METTL4: variants seen among roughly 807,000 people sequenced by gnomAD.
The protein encoded by METTL4 is methyltransferase 4, N6-adenosine.
METTL4 carries 40 observed loss-of-function variants against 54.0 expected under a neutral mutation model. That is an observed-to-expected ratio of 0.74 (90% confidence interval 0.58 to 0.96). The LOEUF (loss-of-function observed/expected upper bound fraction) is 0.96. Ranked by LOEUF, METTL4 falls within the 50% of genes least tolerant of loss-of-function variation. The pLI, the probability that METTL4 is intolerant of heterozygous loss-of-function variation, is 0.00. For synonymous variants in METTL4, 169 were observed against 183.8 expected, an observed-to-expected ratio of 0.92 and a Z score of 0.65; for missense variants, 525 against 549.0, an observed-to-expected ratio of 0.96 and a Z score of 0.44.
intron 8 of METTL4, among the ~76,000 whole-genome samples, chr18:2,542,050 T>C (rs972069597): frequency 1.3e-5 from 2 of 152,172 alleles, no homozygotes; most frequent in Non-Finnish European, 2.9e-5. Context: ...ATTTTATATA[T>C]ATATGGAGTT....
At chr18:2,562,849 G>A (rs780317582) in intron 3 of METTL4, among the ~76,000 whole-genome samples, 2 of 152,054 alleles carry the variant, frequency 1.3e-5, no homozygotes, top group East Asian at 1.9e-4. Context: ...AACAGCAGTG[G>A]TGTGGTACAA....
At chr18:2,541,740 A>T (rs1020979415) in intron 8 of METTL4, among the ~76,000 whole-genome samples, 1 of 42,962 alleles carries the variant, frequency 2.3e-5, no homozygotes, top group African/African-American at 6.5e-5. Flanking sequence ...ATAACCAATT[A>T]AACTTAAAAA....
At chr18:2,553,243 C>A (rs2143528242) in intron 4 of METTL4, 1 of 152,442 alleles carries the variant, frequency 6.6e-6, no homozygotes, top group African/African-American at 2.4e-5. Context: ...TAGCTGCCAT[C>A]CCTCCTAACT....
In METTL4 at chr18:2,567,075, GA is replaced by G. The variant is rs775576675; in HGVS notation, c.141del (p.Leu48PhefsTer53). 3.7e-6 allele frequency: 6 copies of G among 1,614,202 alleles called. No homozygotes were observed. The Admixed American group carries it at 8.3e-5, about 22-fold the overall frequency. Reference sequence around the variant, plus strand: ...GAGGAGGACACAGAATCCATTTGAAGAGACTCAAAGTGAACAGAAGTAGTGA... The same window carrying G: ...GAGGAGGACACAGAATCCATTTGAAGGACTCAAAGTGAACAGAAGTAGTGA... The part of the protein sequence containing the change: ...KEFTTSVHFE[S>X]LQMDSVSSSG... On this transcript the variant is annotated frameshift_variant, in exon 2 of 9. Coordinates refer to ENST00000574538, the MANE Select transcript of METTL4 (RefSeq NM_022840.5). LOFTEE classifies it high-confidence loss of function.
chr18:2,544,050 T>C (rs1319666855), intron 8 of METTL4, 145 bp downstream of exon 8: 12 of 536,388 alleles, frequency 2.2e-5, no homozygotes, highest in Middle Eastern at 4.4e-4. Flanking sequence ...AATTCTGCTA[T>C]GAATTCTGCT....
chr18:2,541,217 T>G (rs754073745), intron 8 of METTL4, among the ~76,000 whole-genome samples: 14 of 152,348 alleles, frequency 9.2e-5, no homozygotes, highest in Admixed American at 2.0e-4. Flanking sequence ...AAATGGATTA[T>G]TCTGGTTTTT....
intron 6 of METTL4, among the ~76,000 whole-genome samples, chr18:2,545,271 T>C (rs1351841831): frequency 6.6e-6 from 1 of 152,106 alleles, no homozygotes; most frequent in Non-Finnish European, 1.5e-5. Context: ...TAAAATTGAT[T>C]CCTGGAAACC....
chr18:2,566,827 A>T lies in METTL4; in HGVS notation c.390T>A (p.Ile130=). The change falls in exon 2 of 9, where the codon ATT becomes ATA. Residue 130 remains isoleucine, a synonymous_variant. Coordinates refer to ENST00000574538, the MANE Select transcript of METTL4 (RefSeq NM_022840.5). ...GVKKEISISI[I]GKKRKRCVVF... ...ATTTCTTAAAACTTTCTACCTTCCC[A>T]ATAATAGAAATGGAGATTTCTTTTT... 1 of 1,557,688 alleles carries T rather than the reference A, an allele frequency of 6.4e-7. No individual in the cohort carries two copies. The highest frequency in any genetic ancestry group is 2.0e-5 in the Admixed American group (1 of 49,582).
At chr18:2,548,231 G>A (rs2072101505) in intron 5 of METTL4, among the ~76,000 whole-genome samples, 2 of 152,002 alleles carry the variant, frequency 1.3e-5, no homozygotes. Flanking sequence ...TGGCTAGTTT[G>A]TCCTGCAAAA....
At chr18:2,542,415 T>C (rs1419951050) in intron 8 of METTL4, among the ~76,000 whole-genome samples, 1 of 144,224 alleles carries the variant, frequency 6.9e-6, no homozygotes, top group African/African-American at 2.6e-5. Flanking sequence ...TTATTCACTA[T>C]TTTAAAACCT....
intron 8 of METTL4, among the ~76,000 whole-genome samples, chr18:2,541,900 G>A (rs1195223177): frequency 2.6e-5 from 4 of 151,826 alleles, no homozygotes. Flanking sequence ...ATGATTTCAG[G>A]GTAAAATATA....
Position 2,539,120 on chromosome 18 carries a change from T to C in METTL4, c.1299A>G (p.Pro433=), listed in dbSNP as rs761394381. The C allele has an allele frequency of 3.1e-6, 5 of 1,613,956 alleles. No individual in the cohort carries two copies. The highest frequency in any genetic ancestry group is 3.3e-4 in the Middle Eastern group (2 of 6,060). The change falls in exon 9 of 9, where the codon CCA becomes CCG. Residue 433 remains proline (P), a synonymous_variant. Transcript: ENST00000574538. ...LAEVLKDYIK[P]DGEYLELFAR... is the part of the protein sequence containing the mutation. ...CAAACAACTCCAAATATTCCCCATC[T>C]GGCTTGATGTAGTCTTTTAAAACCT...
intron 5 of METTL4, among the ~76,000 whole-genome samples, chr18:2,550,890 C>T (rs1445560541): frequency 2.0e-4 from 30 of 152,076 alleles, no homozygotes; most frequent in Admixed American, 2.6e-4. Flanking sequence ...ATCAGCCGGG[C>T]GCGGTGGCTC....
chr18:2,560,637 G>A (rs1204395733), intron 3 of METTL4, among the ~76,000 whole-genome samples: 3 of 152,152 alleles, frequency 2.0e-5, no homozygotes, highest in Non-Finnish European at 4.4e-5. Context: ...CAGCACTTTG[G>A]GAGGCCGAGG....
chr18:2,543,113 CAAAAAA>C (rs34850061), intron 8 of METTL4, among the ~76,000 whole-genome samples: 1 of 85,420 alleles, frequency 1.2e-5, no homozygotes, highest in South Asian at 4.1e-4. Context: ...GACTCCATCT[CAAAAAA>C]AAAAAAAAAA....
intron 1 of METTL4, among the ~76,000 whole-genome samples, chr18:2,570,856 C>T (rs1478603755): frequency 6.6e-6 from 1 of 152,192 alleles, no homozygotes; most frequent in African/African-American, 2.4e-5. Context: ...AGGTACCGGG[C>T]AGTGCCTGTT....
intron 5 of METTL4, among the ~76,000 whole-genome samples, chr18:2,552,463 C>T (rs2072176832): frequency 6.6e-6 from 1 of 152,120 alleles, no homozygotes; most frequent in African/African-American, 2.4e-5. Flanking sequence ...AGAAACAGCC[C>T]TGAACTGCTT....
At chr18:2,569,212 C>G (rs549785475) in intron 1 of METTL4, 1 of 152,754 alleles carries the variant, frequency 6.5e-6, no homozygotes, top group Non-Finnish European at 1.5e-5. Context: ...CTAGATACAT[C>G]TTGTAGACCT....
intron 3 of METTL4, among the ~76,000 whole-genome samples, chr18:2,560,326 A>G (rs2072298036): frequency 6.6e-6 from 1 of 152,166 alleles, no homozygotes; most frequent in African/African-American, 2.4e-5. Context: ...ACACACTGAG[A>G]TGGTTACAAA....
Sources: gnomAD v4.1 joint callset for allele counts (sites outside exome capture counted in the v4.1 genomes callset) on GRCh38, gnomAD v4.1.1 for gene constraint, MANE v1.5 for transcripts, NCBI Gene and HGNC (gene_info 2026-07-23, HGNC 2026-07-21) for gene names.